The following ST18 variants were observed in gnomAD, a reference collection of about 807,000 sequenced individuals.
ST18 encodes suppression of tumorigenicity 18 protein.
A neutral mutation model predicts 110.0 loss-of-function variants in ST18; 50 were observed. The observed-to-expected ratio is 0.45, with a 90% CI of 0.36 to 0.58. The LOEUF (loss-of-function observed/expected upper bound fraction) is 0.58. ST18 is among the 20% of genes least tolerant of loss of function. ST18 has a pLI of 0.00. For missense variants in ST18, 1,306 were observed against 1,280.1 expected (o/e 1.02, Z -0.31); for synonymous variants, 461 against 452.4 (o/e 1.02, Z -0.24).
intron 2 of ST18, chr8:52,407,892 T>C (rs1215908526): frequency 6.6e-6 from 1 of 152,206 alleles, no homozygotes; most frequent in Non-Finnish European, 1.5e-5. Flanking sequence ...AATTCATCAA[T>C]ACATTGCTCA....
chr8:52,239,997 T>C (rs975330581), intron 2 of ST18, among the ~76,000 whole-genome samples: 14 of 152,280 alleles, frequency 9.2e-5, no homozygotes, highest in African/African-American at 3.1e-4. Context: ...TTTTGTCATA[T>C]TGTCCAGGCT....
At chr8:52,153,918 A>G (rs2059396709) in intron 15 of ST18, among the ~76,000 whole-genome samples, 1 of 152,384 alleles carries the variant, frequency 6.6e-6, no homozygotes, top group African/African-American at 2.4e-5. Flanking sequence ...GCTTGCTTAT[A>G]GTACCTGGCA....
rs72641861 is a variant in ST18 at position 52,148,433 on chromosome 8, A to G, written c.2052+1299T>C. ...TGCTGAGGATGTCTCCCAGGGGTCC[A>G]CACCCAGCCACCTGATGCAGTTAGC... On this transcript the variant is annotated intron_variant, in intron 16 of 25. Coordinates refer to ENST00000689386, the MANE Select transcript of ST18 (RefSeq NM_001352837.2). Among the ~76,000 whole-genome samples the G allele has an allele frequency of 2.6e-3, 393 of 152,248 alleles. 3 individuals are homozygous for G. Among genetic ancestry groups the G allele is most frequent in the Admixed American group, 4.3e-3 (66 of 15,286 alleles).
chr8:52,339,638 A>G (rs1813912733), intron 2 of ST18, among the ~76,000 whole-genome samples: 1 of 152,168 alleles, frequency 6.6e-6, no homozygotes, highest in Non-Finnish European at 1.5e-5. Flanking sequence ...CCGAGGTCTG[A>G]GGTCTAAAGA....
chr8:52,324,896 A>G (rs1327371598), intron 2 of ST18, among the ~76,000 whole-genome samples: 1 of 152,224 alleles, frequency 6.6e-6, no homozygotes, highest in Non-Finnish European at 1.5e-5. Flanking sequence ...ATGCCCGGAC[A>G]TGTTGATCCA....
intron 2 of ST18, among the ~76,000 whole-genome samples, chr8:52,319,297 C>A (rs189630142): frequency 6.6e-6 from 1 of 152,130 alleles, no homozygotes; most frequent in South Asian, 2.1e-4. Flanking sequence ...TATATATGTA[C>A]ATATTAATTA....
chr8:52,200,729 T>C (rs1026367767), intron 8 of ST18, among the ~76,000 whole-genome samples: 2 of 152,086 alleles, frequency 1.3e-5, no homozygotes, highest in African/African-American at 2.4e-5. Flanking sequence ...AGATGGTAGA[T>C]TTATTTTGAA....
intron 2 of ST18, among the ~76,000 whole-genome samples, chr8:52,340,414 C>T (rs943931897): frequency 2.0e-5 from 3 of 152,200 alleles, no homozygotes; most frequent in Non-Finnish European, 4.4e-5. Context: ...TCTGCTCCTC[C>T]CCTACTGTGG....
intron 2 of ST18, among the ~76,000 whole-genome samples, chr8:52,290,940 T>G (rs1161022282): frequency 6.6e-6 from 1 of 152,182 alleles, no homozygotes; most frequent in East Asian, 1.9e-4. Context: ...GCAGATCTCC[T>G]GGTGGTCAGT....
At chr8:52,377,071 C>A (rs1832686992) in intron 2 of ST18, among the ~76,000 whole-genome samples, 1 of 152,150 alleles carries the variant, frequency 6.6e-6, no homozygotes. Flanking sequence ...AAAGGTAGAT[C>A]AAGGGAGCAC....
intron 15 of ST18, among the ~76,000 whole-genome samples, chr8:52,151,864 A>C (rs565882491): frequency 6.6e-6 from 1 of 152,364 alleles, no homozygotes; most frequent in Non-Finnish European, 1.5e-5. Context: ...GCTTAGGAAA[A>C]AGAAGCCATG....
intron 3 of ST18, 117 bp from the exon 4 acceptor site, chr8:52,221,910 A>T (rs762305789): frequency 1.1e-5 from 1 of 87,098 alleles, no homozygotes; most frequent in Admixed American, 1.1e-4. Flanking sequence ...GATTGCAACT[A>T]AAAAAAAAAA....
intron 8 of ST18, among the ~76,000 whole-genome samples, chr8:52,182,855 T>C (rs2070375804): frequency 6.6e-6 from 1 of 152,024 alleles, no homozygotes; most frequent in South Asian, 2.1e-4. Flanking sequence ...GAAGCATTGA[T>C]CAATGAGACC....
chr8:52,214,147 G>T, intron 7 of ST18, 56 bp downstream of exon 7: 1 of 1,554,198 alleles, frequency 6.4e-7, no homozygotes, highest in Non-Finnish European at 8.9e-7. Flanking sequence ...GCACTGGAAC[G>T]CTCATATTTC....
chr8:52,225,720 T>C (rs753982605), intron 3 of ST18, among the ~76,000 whole-genome samples: 1 of 152,226 alleles, frequency 6.6e-6, no homozygotes, highest in Non-Finnish European at 1.5e-5. Flanking sequence ...GCTAAGTGTT[T>C]CCTATCTCTG....
chr8:52,401,691 C>T (rs1440887248), intron 2 of ST18, among the ~76,000 whole-genome samples: 2 of 152,066 alleles, frequency 1.3e-5, no homozygotes, highest in Non-Finnish European at 2.9e-5. Flanking sequence ...TGGACTTTCT[C>T]ATTCAGATCA....
intron 22 of ST18, among the ~76,000 whole-genome samples, chr8:52,127,913 G>GA (rs1201566294): frequency 6.6e-6 from 1 of 151,686 alleles, no homozygotes; most frequent in African/African-American, 2.4e-5. Context: ...TGGAAAGGCA[G>GA]AAAAAAACGT....
rs74884342 is a variant in ST18 at position 52,207,701 on chromosome 8, C to G, written c.86+4378G>C. 2.4e-4 allele frequency among the ~76,000 whole-genome samples: 37 copies of G among 152,228 alleles called. 1 individual carries two copies. The East Asian group carries it at 6.8e-3, about 28-fold the overall frequency. On this transcript the variant is annotated intron_variant, in intron 8 of 25. Transcript: ENST00000689386. Reference sequence around the variant, plus strand: ...GACAAATTGGTACACAGCAAAAAGACTATGAACGGACAGAGAGATTTGACT... The same window carrying G: ...GACAAATTGGTACACAGCAAAAAGAGTATGAACGGACAGAGAGATTTGACT...
At position 52,156,236 on chromosome 8, in the gene ST18, C is replaced by T. The variant is rs544528546; in HGVS notation, c.1806+2662G>A. Among the ~76,000 whole-genome samples, 6 of 152,340 alleles carry T rather than the reference C, an allele frequency of 3.9e-5. No individual in the cohort carries two copies. The East Asian group carries it at 9.6e-4, about 24-fold the overall frequency. On this transcript the variant is annotated intron_variant, in intron 15 of 25. Transcript: ENST00000689386. ...GACTGACCCTAACCTGTGGCCGGGG[C>T]AGTCCAGCACTTAGAGACCTTTGGT...
Sources: gnomAD v4.1 joint callset for allele counts (sites outside exome capture counted in the v4.1 genomes callset) on GRCh38, gnomAD v4.1.1 for gene constraint, MANE v1.5 for transcripts, NCBI Gene and HGNC (gene_info 2026-07-23, HGNC 2026-07-21) for gene names.